The following PTPRS variants were observed in gnomAD, a reference collection of about 807,000 sequenced individuals.
PTPRS encodes the protein protein tyrosine phosphatase receptor type S, also known as receptor-type tyrosine-protein phosphatase S.
PTPRS carries 63 observed loss-of-function variants against 215.3 expected under a neutral mutation model. The ratio of observed to expected loss-of-function variants is 0.29; its 90% CI spans 0.24 to 0.36. The LOEUF (loss-of-function observed/expected upper bound fraction) is 0.36, where lower values mean the gene tolerates loss of function less well. PTPRS is among the 10% of genes least tolerant of loss of function. The pLI, the probability that PTPRS is intolerant of heterozygous loss-of-function variation, is 1.00. For missense variants in PTPRS, 2,258 were observed against 2,825.8 expected (o/e 0.80, Z 4.56); for synonymous variants, 1,404 against 1,191.4 (o/e 1.18, Z -3.68).
Position 5,222,269 on chromosome 19 carries a change from G to A in PTPRS, c.3104-49C>T, listed in dbSNP as rs371284766. 7 of 1,490,824 alleles carry A rather than the reference G, an allele frequency of 4.7e-6. No individual in the cohort carries two copies. The African/African-American group carries it at 6.9e-5, about 15-fold the overall frequency. The allele number at this position is 1,490,824 out of a possible 1,614,324, so 92.3% of individuals were successfully genotyped here. A position where few individuals can be genotyped will look rare whatever the true frequency, so the allele number is the denominator to read the frequency against. On this transcript the variant is annotated intron_variant, in intron 18 of 37. Coordinates refer to ENST00000262963, the MANE Select transcript of PTPRS (RefSeq NM_002850.4). ...GGAGAGAGCAGAAGAGAGGCCCCAT[G>A]AGTGCCTGGCACTGGGTGGCGTGAA...
intron 26 of PTPRS, among the ~76,000 whole-genome samples, chr19:5,216,415 G>A (rs1261004439): frequency 3.3e-5 from 5 of 151,818 alleles, no homozygotes; most frequent in Non-Finnish European, 7.4e-5. Flanking sequence ...GCTGTCCTGG[G>A]TGCCCCCCAA....
At chr19:5,221,515 G>A (rs1192925091) in intron 19 of PTPRS, among the ~76,000 whole-genome samples, 2 of 151,774 alleles carry the variant, frequency 1.3e-5, no homozygotes, top group South Asian at 2.1e-4. Flanking sequence ...CTTTGACTGA[G>A]CCCTGATCCC....
At chr19:5,316,035 AGCCTCCTCAGTAGCTGGG>A (rs2049866308) in intron 1 of PTPRS, among the ~76,000 whole-genome samples, 2 of 151,912 alleles carry the variant, frequency 1.3e-5, no homozygotes, top group East Asian at 3.9e-4. Context: ...CTCCCACCTC[AGCCTCCTCAGTAGCTGGG>A]GCCACAGGCA....
intron 28 of PTPRS, 28 bp downstream of exon 28, chr19:5,215,261 A>G (rs781438601): frequency 1.9e-6 from 3 of 1,610,908 alleles, no homozygotes; most frequent in Non-Finnish European, 2.5e-6. Flanking sequence ...GGGGAAGGGC[A>G]GGTTAAGACC....
rs1276695571 is a variant in PTPRS at position 5,238,961 on chromosome 19, C to T, written c.1807G>A (p.Gly603Ser). The change falls in exon 13 of 38, where the codon GGC becomes AGC. Residue 603 changes from glycine (G) to serine (S), a missense_variant. Around this residue, in one of 6 missense-constraint regions of PTPRS, gnomAD observed 371 missense variants for 446.7 expected, o/e 0.83. Coordinates refer to ENST00000262963, the MANE Select transcript of PTPRS (RefSeq NM_002850.4). ...TGCCGCACCACGGGGGTGAAGGCGC[C>T]CAGGCCCTGCGGCGAGCGGGCCGCC... The part of the protein sequence containing the change: ...RLAARSPQGL[G>S]AFTPVVRQRT... 4.3e-6 allele frequency: 7 copies of T among 1,611,972 alleles called. No individual in the cohort carries two copies. The African/African-American group carries it at 6.7e-5, about 15-fold the overall frequency.
At chr19:5,220,889 T>C (rs10412973) in intron 20 of PTPRS, 111 bp downstream of exon 20, 1,043,978 of 1,293,374 alleles carry the variant, frequency 0.81, 423,164 homozygotes, top group African/African-American at 0.96. Flanking sequence ...TGATAGGGTC[T>C]GTGTTTCATA....
rs146341061 is a variant in PTPRS at position 5,276,990 on chromosome 19, C to T, written c.92-2646G>A. Among the ~76,000 whole-genome samples the T allele has an allele frequency of 2.8e-3, 433 of 151,946 alleles. 1 individual carries two copies. Among genetic ancestry groups the T allele is most frequent in the Non-Finnish European group, 4.6e-3 (311 of 67,988 alleles). On this transcript the variant is annotated intron_variant, in intron 2 of 37. Transcript: ENST00000262963. ...ATCTCCCAGAGGGACACTAGATTTCCGGTCACAGTACACAGTAATGTTACA... is the reference window on the plus strand; with the variant it reads ...ATCTCCCAGAGGGACACTAGATTTCTGGTCACAGTACACAGTAATGTTACA...
chr19:5,230,667 C>T (rs2042938422), intron 14 of PTPRS, among the ~76,000 whole-genome samples: 2 of 152,140 alleles, frequency 1.3e-5, no homozygotes, highest in South Asian at 4.1e-4. Flanking sequence ...CACTATGTTG[C>T]CTAGGCTGGT....
intron 2 of PTPRS, chr19:5,278,220 A>G (rs1055138691): frequency 2.6e-6 from 1 of 378,902 alleles, no homozygotes; most frequent in African/African-American, 2.1e-5. Context: ...GGTGGGGGAA[A>G]GGATGCTTTT....
rs1302716785 is a variant in PTPRS, at chr19:5,237,475, C to A, written c.1849+1444G>T. Among the ~76,000 whole-genome samples the A allele has an allele frequency of 1.3e-5, 2 of 152,182 alleles. No individual in the cohort carries two copies. Among genetic ancestry groups the A allele is most frequent in the Non-Finnish European group, 2.9e-5 (2 of 68,028 alleles). ...CCGTGTAGGTCACGTCCTTCACAATCCGGCCCAACCTGCATGACATCTCGG... is the reference window on the plus strand; with the variant it reads ...CCGTGTAGGTCACGTCCTTCACAATACGGCCCAACCTGCATGACATCTCGG... On this transcript the variant is annotated intron_variant, in intron 13 of 37. Transcript: ENST00000262963. The surrounding 1 kb of genome is among the most constrained non-coding windows in gnomAD (Gnocchi z 4.2).
chr19:5,315,903 C>T (rs1025572860), intron 1 of PTPRS, among the ~76,000 whole-genome samples: 1 of 150,268 alleles, frequency 6.7e-6, no homozygotes, highest in Non-Finnish European at 1.5e-5. Context: ...GTAGCTGGGA[C>T]CACAGCTGTA....
chr19:5,266,847 G>A (rs1435195058), intron 4 of PTPRS, among the ~76,000 whole-genome samples: 3 of 151,998 alleles, frequency 2.0e-5, no homozygotes, highest in Non-Finnish European at 2.9e-5. Context: ...CCTCCCTCGG[G>A]TCACCTGTTC....
At chr19:5,322,437 C>T (rs2050048739) in intron 1 of PTPRS, among the ~76,000 whole-genome samples, 2 of 152,128 alleles carry the variant, frequency 1.3e-5, no homozygotes. Flanking sequence ...TTTCTGGAGG[C>T]TGAGGTGAGA....
Position 5,210,140 on chromosome 19 carries a change from C to G in PTPRS, c.5487+329G>C, listed in dbSNP as rs1234771620. On this transcript the variant is annotated intron_variant, in intron 35 of 37. Coordinates refer to ENST00000262963, the MANE Select transcript of PTPRS (RefSeq NM_002850.4). The surrounding 1 kb of genome is among the most constrained non-coding windows in gnomAD (Gnocchi z 4.5). ...TTGTCCACCGTCTACCACCCCTCAC[C>G]CTCAATCCCTCAAGTCCCTTTCAGC... Among the ~76,000 whole-genome samples the G allele has an allele frequency of 6.6e-6, 1 of 152,224 alleles. No homozygotes were observed. The highest frequency in any genetic ancestry group is 2.4e-5 in the African/African-American group (1 of 41,466).
At chr19:5,296,990 TG>T (rs544937646) in intron 1 of PTPRS, among the ~76,000 whole-genome samples, 108 of 152,214 alleles carry the variant, frequency 7.1e-4, no homozygotes, top group Non-Finnish European at 1.1e-3. Flanking sequence ...ACGGCTCATT[TG>T]GGGATGTACA....
chr19:5,258,343 T>G (rs566230220), intron 7 of PTPRS, among the ~76,000 whole-genome samples: 2 of 152,290 alleles, frequency 1.3e-5, no homozygotes, highest in East Asian at 3.9e-4. Context: ...ACACACCAGA[T>G]TCCCCAGCAA....
At chr19:5,320,249 CCGTGG>C (rs568970203) in intron 1 of PTPRS, among the ~76,000 whole-genome samples, 66 of 152,314 alleles carry the variant, frequency 4.3e-4, no homozygotes, top group African/African-American at 1.5e-3. Context: ...CAGCCAGTGC[CCGTGG>C]CCTTGGCTGG....
intron 2 of PTPRS, chr19:5,278,183 C>A (rs866146620): frequency 0.029 from 3,685 of 126,650 alleles, 229 homozygotes; most frequent in South Asian, 0.1. Flanking sequence ...TAGAAACTGC[C>A]AAAAAAAAAA....
intron 17 of PTPRS, among the ~76,000 whole-genome samples, chr19:5,224,291 G>A (rs1034318553): frequency 3.3e-5 from 5 of 152,196 alleles, no homozygotes; most frequent in African/African-American, 4.8e-5. Flanking sequence ...AAGAGGGAAC[G>A]GCCCATGCAA....
Sources: gnomAD v4.1 joint callset for allele counts (sites outside exome capture counted in the v4.1 genomes callset) on GRCh38, gnomAD v4.1.1 for gene constraint, gnomAD v4.1.1 regional missense constraint, Gnocchi (gnomAD v3.1) non-coding constraint, MANE v1.5 for transcripts, NCBI Gene and HGNC (gene_info 2026-07-23, HGNC 2026-07-21) for gene names.